The following KCNIP4 variants were observed in gnomAD, a reference collection of about 807,000 sequenced individuals.
KCNIP4 encodes potassium voltage-gated channel interacting protein 4, also known as Kv channel-interacting protein 4.
In KCNIP4, 12 loss-of-function variants were observed where a neutral mutation model predicts 34.0. The ratio of observed to expected loss-of-function variants is 0.35; its 90% CI spans 0.23 to 0.57. The LOEUF (loss-of-function observed/expected upper bound fraction) is 0.57, where lower values mean the gene tolerates loss of function less well. Among genes scored for constraint, KCNIP4 ranks in the 20% least tolerant of loss-of-function variants. KCNIP4 has a pLI of 0.83. For missense variants in KCNIP4, 238 were observed against 311.7 expected (o/e 0.76, Z 1.78); for synonymous variants, 124 against 102.2 (o/e 1.21, Z -1.29).
intron 1 of KCNIP4, among the ~76,000 whole-genome samples, chr4:20,991,925 C>T (rs927507291): frequency 5.3e-5 from 8 of 152,246 alleles, no homozygotes; most frequent in Middle Eastern, 3.4e-3. Flanking sequence ...TTCTTGGGCA[C>T]GAGATTCCAG....
At chr4:21,241,561 A>G (rs1759813668) in intron 1 of KCNIP4, among the ~76,000 whole-genome samples, 1 of 152,196 alleles carries the variant, frequency 6.6e-6, no homozygotes, top group African/African-American at 2.4e-5. Flanking sequence ...GGAATAAGCC[A>G]GCTGACGTGA....
intron 3 of KCNIP4, among the ~76,000 whole-genome samples, chr4:20,845,729 A>G (rs1320800774): frequency 6.6e-6 from 1 of 152,214 alleles, no homozygotes; most frequent in Non-Finnish European, 1.5e-5. Flanking sequence ...GGAGCTTGCA[A>G]GAGGACCAGG....
chr4:21,740,892 C>T (rs1716353597), intron 1 of KCNIP4, among the ~76,000 whole-genome samples: 1 of 152,064 alleles, frequency 6.6e-6, no homozygotes. Context: ...AAAATATGCT[C>T]AGGGTATTAC....
intron 1 of KCNIP4, among the ~76,000 whole-genome samples, chr4:21,796,153 T>C (rs570962129): frequency 8.3e-4 from 127 of 152,296 alleles, no homozygotes; most frequent in South Asian, 1.0e-3. Context: ...ATTACACTAT[T>C]TAAAGCAAGT....
intron 1 of KCNIP4, among the ~76,000 whole-genome samples, chr4:21,790,471 A>T (rs1157628896): frequency 1.3e-5 from 2 of 152,106 alleles, no homozygotes; most frequent in African/African-American, 2.4e-5. Flanking sequence ...TAGAGGTGGG[A>T]TTTACCTTTC....
intron 1 of KCNIP4, among the ~76,000 whole-genome samples, chr4:21,634,661 CA>C (rs890372950): frequency 6.6e-6 from 1 of 152,034 alleles, no homozygotes; most frequent in Admixed American, 6.5e-5. Flanking sequence ...TTCAAAGAGA[CA>C]AAAATATTTT....
At chr4:20,910,482 G>C (rs1434965709) in intron 1 of KCNIP4, among the ~76,000 whole-genome samples, 1 of 152,116 alleles carries the variant, frequency 6.6e-6, no homozygotes, top group Non-Finnish European at 1.5e-5. Context: ...CCAGGATGAG[G>C]AAAGTGAAAC....
intron 1 of KCNIP4, among the ~76,000 whole-genome samples, chr4:20,967,197 T>C (rs1302698545): frequency 6.6e-6 from 1 of 152,140 alleles, no homozygotes; most frequent in East Asian, 1.9e-4. Flanking sequence ...TTATTGGTCT[T>C]AAACTTCGTC....
chr4:21,486,630 A>T (rs1026846579), intron 1 of KCNIP4, among the ~76,000 whole-genome samples: 1 of 152,142 alleles, frequency 6.6e-6, no homozygotes, highest in Non-Finnish European at 1.5e-5. Flanking sequence ...CCACTGTGTC[A>T]TTTCCTATCA....
At chr4:20,824,158 G>A (rs917932688) in intron 3 of KCNIP4, among the ~76,000 whole-genome samples, 6 of 152,168 alleles carry the variant, frequency 3.9e-5, no homozygotes, top group Admixed American at 1.3e-4. Context: ...TATGTGATGT[G>A]CCTAAGTGTC....
At chr4:21,434,615 G>T (rs1726786811) in intron 1 of KCNIP4, among the ~76,000 whole-genome samples, 1 of 151,976 alleles carries the variant, frequency 6.6e-6, no homozygotes, top group Non-Finnish European at 1.5e-5. Context: ...CAGCTCAGCG[G>T]TGGCATTAGA....
chr4:20,907,264 A>T (rs1194354748), intron 1 of KCNIP4, among the ~76,000 whole-genome samples: 1 of 152,186 alleles, frequency 6.6e-6, no homozygotes, highest in Non-Finnish European at 1.5e-5. Flanking sequence ...TTTGGAAATT[A>T]AGAGGATCCT....
chr4:21,361,578 G>C (rs375604663), intron 1 of KCNIP4, among the ~76,000 whole-genome samples: 3 of 151,906 alleles, frequency 2.0e-5, no homozygotes, highest in Admixed American at 6.6e-5. Flanking sequence ...AGATAACTAG[G>C]TACAATTAGG....
intron 1 of KCNIP4, among the ~76,000 whole-genome samples, chr4:21,020,317 T>C (rs1739925608): frequency 6.6e-6 from 1 of 152,174 alleles, no homozygotes; most frequent in Non-Finnish European, 1.5e-5. Flanking sequence ...GTTTCTTCAA[T>C]ATCCACAAAT....
chr4:21,262,981 GAATA>G (rs1477275713), intron 1 of KCNIP4, among the ~76,000 whole-genome samples: 2 of 152,172 alleles, frequency 1.3e-5, no homozygotes, highest in Admixed American at 6.6e-5. Flanking sequence ...AAGAGTGAAT[GAATA>G]AATAACAAAA....
chr4:20,956,688 A>G (rs1446641699), intron 1 of KCNIP4, among the ~76,000 whole-genome samples: 1 of 152,164 alleles, frequency 6.6e-6, no homozygotes, highest in Non-Finnish European at 1.5e-5. Context: ...TGTATTCTAA[A>G]TCTTTTTATG....
intron 1 of KCNIP4, among the ~76,000 whole-genome samples, chr4:21,877,216 G>A (rs888518139): frequency 5.9e-5 from 9 of 152,112 alleles, no homozygotes; most frequent in Non-Finnish European, 1.5e-5. Context: ...AGCCAAGTGT[G>A]GTGGCGGGTC....
intron 1 of KCNIP4, among the ~76,000 whole-genome samples, chr4:21,635,552 T>C (rs1317690719): frequency 1.3e-5 from 2 of 152,138 alleles, no homozygotes; most frequent in South Asian, 2.1e-4. Context: ...TCATCATCAC[T>C]GGCCATCAGA....
At chr4:21,044,987 G>C (rs1007187526) in intron 1 of KCNIP4, among the ~76,000 whole-genome samples, 3 of 152,162 alleles carry the variant, frequency 2.0e-5, no homozygotes, top group African/African-American at 7.2e-5. Context: ...TCTTACATAT[G>C]GAAGAGACAA....
Sources: gnomAD v4.1 joint callset for allele counts (sites outside exome capture counted in the v4.1 genomes callset) on GRCh38, gnomAD v4.1.1 for gene constraint, MANE v1.5 for transcripts, NCBI Gene and HGNC (gene_info 2026-07-23, HGNC 2026-07-21) for gene names.